STARD13: variants seen among roughly 807,000 people sequenced by gnomAD.
STARD13 encodes stAR-related lipid transfer protein 13.
STARD13 carries 62 observed loss-of-function variants against 106.4 expected under a neutral mutation model. The ratio of observed to expected loss-of-function variants is 0.58; its 90% CI spans 0.48 to 0.72. STARD13 has a LOEUF of 0.72. Ranked by LOEUF, STARD13 falls within the 30% of genes least tolerant of loss-of-function variation. The pLI is 0.00. For synonymous variants in STARD13, 565 were observed against 553.0 expected (o/e 1.02, Z -0.31); for missense variants, 1,387 against 1,424.0 (o/e 0.97, Z 0.42).
the STARD13 span, among the ~76,000 whole-genome samples, chr13:33,630,719 C>T: frequency 4.6e-5 from 7 of 152,204 alleles, no homozygotes; most frequent in Admixed American, 6.5e-5. Context: ...TGGATATGTG[C>T]TAGCCGGTAG....
chr13:33,494,596 T>C, the STARD13 span, among the ~76,000 whole-genome samples: 1 of 152,182 alleles, frequency 6.6e-6, no homozygotes, highest in Non-Finnish European at 1.5e-5. Flanking sequence ...CATTTGGTCG[T>C]TGTCTACTAC....
chr13:33,476,567 G>A, the STARD13 span, among the ~76,000 whole-genome samples: 1 of 152,150 alleles, frequency 6.6e-6, no homozygotes, highest in Non-Finnish European at 1.5e-5. Context: ...TGTAATGAAG[G>A]AGAGAAAAAT....
the STARD13 span, among the ~76,000 whole-genome samples, chr13:33,382,565 G>A: frequency 6.6e-6 from 1 of 152,120 alleles, no homozygotes; most frequent in Non-Finnish European, 1.5e-5. Context: ...ATATTGCATT[G>A]TAGCATCCAG....
At chr13:33,455,555 G>A in the STARD13 span, among the ~76,000 whole-genome samples, 58,956 of 151,968 alleles carry the variant, frequency 0.39, 11,482 homozygotes, top group African/African-American at 0.41. Context: ...GTTACAACAA[G>A]AGCCTGCCAG....
chr13:33,155,012 G>A (rs1357032872), intron 3 of STARD13, among the ~76,000 whole-genome samples: 9 of 152,048 alleles, frequency 5.9e-5, no homozygotes, highest in Admixed American at 5.9e-4. Flanking sequence ...CCGTAGAGAG[G>A]ATTCCCCGGC....
chr13:33,316,952 A>G lies in STARD13; in HGVS notation c.124+33338T>C, dbSNP rs560378643. On this transcript the variant is annotated intron_variant, in intron 1 of 5. Coordinates refer to the STARD13 transcript ENST00000567873. Reference sequence around the variant, plus strand: ...TCTCAGAAGTTTTTTGACACTTGTGATCAGTCTCTCCTTCCTGAAATTTTG... The same window carrying G: ...TCTCAGAAGTTTTTTGACACTTGTGGTCAGTCTCTCCTTCCTGAAATTTTG... 4.6e-5 allele frequency among the ~76,000 whole-genome samples: 7 copies of G among 152,172 alleles called. No individual in the cohort carries two copies. In the South Asian group the frequency reaches 1.5e-3, roughly 32 times the overall value.
At chr13:33,394,484 C>G in the STARD13 span, among the ~76,000 whole-genome samples, 22 of 152,156 alleles carry the variant, frequency 1.4e-4, no homozygotes, top group African/African-American at 4.8e-4. Flanking sequence ...ATTGGACAGC[C>G]CTGCTCCAGA....
intron 1 of STARD13, among the ~76,000 whole-genome samples, chr13:33,195,519 A>AT (rs1566065941): frequency 1.3e-5 from 2 of 152,124 alleles, no homozygotes; most frequent in Non-Finnish European, 2.9e-5. Flanking sequence ...GCTGACAAAT[A>AT]TTTTTCTATG....
At chr13:33,420,912 C>A in the STARD13 span, among the ~76,000 whole-genome samples, 1 of 151,990 alleles carries the variant, frequency 6.6e-6, no homozygotes, top group Non-Finnish European at 1.5e-5. Context: ...CCAATGAGAA[C>A]AAAGACAAAA....
intron 4 of STARD13, among the ~76,000 whole-genome samples, chr13:33,135,018 A>G (rs1414193253): frequency 6.6e-6 from 1 of 152,234 alleles, no homozygotes; most frequent in African/African-American, 2.4e-5. Context: ...GTCAGTGCCC[A>G]TTGCATTCTG....
chr13:33,469,189 CT>C, the STARD13 span, among the ~76,000 whole-genome samples: 3 of 152,204 alleles, frequency 2.0e-5, no homozygotes, highest in Admixed American at 2.0e-4. Context: ...ATTACTATTC[CT>C]CTTTCACACA....
chr13:33,298,152 T>TTTAAC (rs1892572734), intron 1 of STARD13, among the ~76,000 whole-genome samples: 1 of 119,408 alleles, frequency 8.4e-6, no homozygotes, highest in Non-Finnish European at 1.7e-5. Context: ...TTTTTTGAGA[T>TTTAAC]AGAGTCTCAC....
At chr13:33,248,211 G>A (rs1047318381) in intron 1 of STARD13, among the ~76,000 whole-genome samples, 1 of 152,028 alleles carries the variant, frequency 6.6e-6, no homozygotes, top group Non-Finnish European at 1.5e-5. Flanking sequence ...ACCAGCCTGG[G>A]CAACATAGTG....
At chr13:33,383,121 T>C in the STARD13 span, among the ~76,000 whole-genome samples, 1 of 152,252 alleles carries the variant, frequency 6.6e-6, no homozygotes, top group Non-Finnish European at 1.5e-5. Context: ...GATTCCCTCA[T>C]AAGACATTTC....
At chr13:33,152,849 T>G (rs937265247) in intron 3 of STARD13, among the ~76,000 whole-genome samples, 1 of 152,082 alleles carries the variant, frequency 6.6e-6, no homozygotes, top group Non-Finnish European at 1.5e-5. Context: ...ATTCCCGTAT[T>G]ACATGGGGAG....
the STARD13 span, among the ~76,000 whole-genome samples, chr13:33,492,933 T>G: frequency 6.6e-6 from 1 of 152,176 alleles, no homozygotes; most frequent in Admixed American, 6.5e-5. Context: ...AAAGCTGAGT[T>G]TCATGGAGGT....
chr13:33,421,303 G>A, the STARD13 span, among the ~76,000 whole-genome samples: 4 of 152,158 alleles, frequency 2.6e-5, no homozygotes, highest in Non-Finnish European at 5.9e-5. Flanking sequence ...TACCATCAGA[G>A]AATACTATAA....
At chr13:33,640,420 G>C in the STARD13 span, among the ~76,000 whole-genome samples, 1 of 152,178 alleles carries the variant, frequency 6.6e-6, no homozygotes, top group Non-Finnish European at 1.5e-5. Flanking sequence ...AATCAGCTGA[G>C]GAAAATAGCA....
the STARD13 span, among the ~76,000 whole-genome samples, chr13:33,615,828 CTA>C: frequency 6.6e-6 from 1 of 152,150 alleles, no homozygotes; most frequent in African/African-American, 2.4e-5. Flanking sequence ...ATGGAAATAA[CTA>C]TGTGGGAAAA....
Sources: gnomAD v4.1 joint callset for allele counts (sites outside exome capture counted in the v4.1 genomes callset) on GRCh38, gnomAD v4.1.1 for gene constraint, MANE v1.5 for transcripts, NCBI Gene and HGNC (gene_info 2026-07-23, HGNC 2026-07-21) for gene names.